LDLRAD4: variants seen among roughly 807,000 people sequenced by gnomAD.
LDLRAD4 encodes the protein low density lipoprotein receptor class A domain containing 4, also known as low-density lipoprotein receptor class A domain-containing protein 4.
A neutral mutation model predicts 17.0 loss-of-function variants in LDLRAD4; 5 were observed. The ratio of observed to expected loss-of-function variants is 0.29; its 90% CI spans 0.15 to 0.62. LDLRAD4 has a LOEUF of 0.62. Ranked by LOEUF, LDLRAD4 falls within the 20% of genes least tolerant of loss-of-function variation. LDLRAD4 has a pLI of 0.84. For missense variants in LDLRAD4, 340 were observed against 424.7 expected (o/e 0.80, Z 1.75); for synonymous variants, 168 against 171.8 (o/e 0.98, Z 0.17).
intron 3 of LDLRAD4, among the ~76,000 whole-genome samples, chr18:13,523,209 T>C (rs528493089): frequency 1.3e-5 from 2 of 152,162 alleles, no homozygotes; most frequent in Non-Finnish European, 2.9e-5. Context: ...TAGGGCAAAT[T>C]CAGTGACCTA....
intron 3 of LDLRAD4, among the ~76,000 whole-genome samples, chr18:13,507,380 C>G (rs2093711386): frequency 6.6e-6 from 1 of 152,194 alleles, no homozygotes; most frequent in Non-Finnish European, 1.5e-5. Flanking sequence ...TTTGCATCTT[C>G]ATAGCTTAGC....
At chr18:13,377,282 G>C (rs1459086504) in intron 1 of LDLRAD4, among the ~76,000 whole-genome samples, 2 of 152,124 alleles carry the variant, frequency 1.3e-5, no homozygotes, top group Non-Finnish European at 2.9e-5. Flanking sequence ...GGATTTCTGT[G>C]GCCAGATTAA....
intron 1 of LDLRAD4, among the ~76,000 whole-genome samples, chr18:13,318,347 C>T (rs1240712781): frequency 6.6e-5 from 10 of 152,186 alleles, no homozygotes; most frequent in Admixed American, 2.6e-4. Flanking sequence ...CTGCAACCTC[C>T]GCCTCCCGAG....
intron 1 of LDLRAD4, among the ~76,000 whole-genome samples, chr18:13,343,183 T>C (rs1862191036): frequency 1.3e-5 from 2 of 152,002 alleles, no homozygotes; most frequent in Non-Finnish European, 2.9e-5. Context: ...GCTGCACTCA[T>C]TAACTCGTTA....
intron 1 of LDLRAD4, among the ~76,000 whole-genome samples, chr18:13,228,506 G>A (rs2041918971): frequency 6.6e-6 from 1 of 152,180 alleles, no homozygotes. Context: ...TGCTTTCCTA[G>A]TGGGGACGGG....
chr18:13,450,576 G>A (rs2091769539), intron 3 of LDLRAD4, among the ~76,000 whole-genome samples: 1 of 152,190 alleles, frequency 6.6e-6, no homozygotes, highest in African/African-American at 2.4e-5. Flanking sequence ...TGGGCTCTAT[G>A]GGCAGGTGCA....
chr18:13,248,570 G>A (rs1428375025), intron 1 of LDLRAD4, among the ~76,000 whole-genome samples: 1 of 152,204 alleles, frequency 6.6e-6, no homozygotes, highest in Non-Finnish European at 1.5e-5. Context: ...GATGTTAATA[G>A]CTCTTAGTGT....
intron 3 of LDLRAD4, among the ~76,000 whole-genome samples, chr18:13,558,432 G>A (rs188151093): frequency 1.7e-3 from 263 of 152,324 alleles, no homozygotes; most frequent in Middle Eastern, 0.01. Context: ...AGCATTCCTG[G>A]AAAACATTGT....
intron 2 of LDLRAD4, among the ~76,000 whole-genome samples, chr18:13,404,072 A>T (rs2087483345): frequency 6.6e-6 from 1 of 152,204 alleles, no homozygotes; most frequent in Admixed American, 6.5e-5. Flanking sequence ...GTGGCCCGGG[A>T]AATGACTTCC....
chr18:13,526,049 T>G (rs2094026973), intron 3 of LDLRAD4: 1 of 152,232 alleles, frequency 6.6e-6, no homozygotes, highest in African/African-American at 2.4e-5. Flanking sequence ...TTTGGGAATT[T>G]TATTATATTT....
chr18:13,353,488 C>T (rs2083162991), intron 1 of LDLRAD4, among the ~76,000 whole-genome samples: 1 of 152,198 alleles, frequency 6.6e-6, no homozygotes, highest in South Asian at 2.1e-4. Flanking sequence ...CTATTGTATT[C>T]CTCTGCCTGC....
At chr18:13,472,994 A>G (rs1032729741) in intron 3 of LDLRAD4, among the ~76,000 whole-genome samples, 36 of 152,236 alleles carry the variant, frequency 2.4e-4, no homozygotes, top group African/African-American at 1.2e-4. Flanking sequence ...TCTGAACAGC[A>G]TTTGTTTGTA....
At chr18:13,321,409 T>C (rs2081212306) in intron 1 of LDLRAD4, among the ~76,000 whole-genome samples, 1 of 152,256 alleles carries the variant, frequency 6.6e-6, no homozygotes, top group African/African-American at 2.4e-5. Flanking sequence ...TATTTAATTC[T>C]CTTCGGGACT....
At chr18:13,546,362 C>T (rs1202481326) in intron 3 of LDLRAD4, among the ~76,000 whole-genome samples, 1 of 103,960 alleles carries the variant, frequency 9.6e-6, no homozygotes, top group African/African-American at 3.7e-5. Context: ...AGATGGCCTC[C>T]CCTCCCCCCT....
intron 1 of LDLRAD4, among the ~76,000 whole-genome samples, chr18:13,295,995 G>A (rs1462739251): frequency 1.3e-5 from 2 of 152,230 alleles, no homozygotes; most frequent in Admixed American, 6.5e-5. Context: ...GCTGCGAGGC[G>A]GGGTGCCTTG....
At chr18:13,265,666 C>T (rs185793860) in intron 1 of LDLRAD4, among the ~76,000 whole-genome samples, 1 of 152,210 alleles carries the variant, frequency 6.6e-6, no homozygotes, top group Non-Finnish European at 1.5e-5. Flanking sequence ...GGACTGTCCT[C>T]CCCAGGCACG....
rs1172960890 is a variant in LDLRAD4 at position 13,440,017 on chromosome 18, G to A, written c.181+1633G>A. 6.6e-6 allele frequency among the ~76,000 whole-genome samples: 1 copy of A among 152,178 alleles called. No homozygotes were observed. The highest frequency in any genetic ancestry group is 1.5e-5 in the Non-Finnish European group (1 of 68,024). On this transcript the variant is annotated intron_variant, in intron 3 of 5. Transcript: ENST00000359446. The surrounding 1 kb of genome is among the most constrained non-coding windows in gnomAD (Gnocchi z 4.4). ...TCAAGATTACCTCAACCCAGGCTTG[G>A]GGTCTTAGAAGGAGGTGAGTACAAG...
In LDLRAD4 at chr18:13,512,640, G is replaced by T. The variant is rs79475961; in HGVS notation, c.181+74256G>T. 6.9e-3 allele frequency among the ~76,000 whole-genome samples: 1,057 copies of T among 152,306 alleles called. 13 individuals are homozygous for T. Among genetic ancestry groups the T allele is most frequent in the African/African-American group, 0.024 (999 of 41,556 alleles). On this transcript the variant is annotated intron_variant, in intron 3 of 5. Transcript: ENST00000359446. Reference sequence around the variant, plus strand: ...GATCAATTCTTCCTTGAGCTTTAGAGAACTAATGACTACTGCATTTAATTT... The same window carrying T: ...GATCAATTCTTCCTTGAGCTTTAGATAACTAATGACTACTGCATTTAATTT...
intron 3 of LDLRAD4, among the ~76,000 whole-genome samples, chr18:13,443,258 A>G (rs1008198176): frequency 2.0e-5 from 3 of 152,088 alleles, no homozygotes; most frequent in African/African-American, 7.2e-5. Context: ...TTTCTCCCAA[A>G]GAGACTGGCA....
Sources: gnomAD v4.1 joint callset for allele counts (sites outside exome capture counted in the v4.1 genomes callset) on GRCh38, gnomAD v4.1.1 for gene constraint, Gnocchi (gnomAD v3.1) non-coding constraint, MANE v1.5 for transcripts, NCBI Gene and HGNC (gene_info 2026-07-23, HGNC 2026-07-21) for gene names.